ADAM12: variants seen among roughly 807,000 people sequenced by gnomAD.
The protein encoded by ADAM12 is disintegrin and metalloproteinase domain-containing protein 12.
A neutral mutation model predicts 106.4 loss-of-function variants in ADAM12; 70 were observed. The ratio of observed to expected loss-of-function variants is 0.66; its 90% confidence interval spans 0.54 to 0.80. The LOEUF (loss-of-function observed/expected upper bound fraction) is 0.80. Among genes scored for constraint, ADAM12 ranks in the 30% least tolerant of loss-of-function variants. ADAM12 has a pLI of 0.00. For missense variants in ADAM12, 1,010 were observed against 1,171.9 expected (o/e 0.86, Z 2.02); for synonymous variants, 420 against 433.5 (o/e 0.97, Z 0.39).
chr10:126,204,796 A>AT (rs1358196937), intron 3 of ADAM12, among the ~76,000 whole-genome samples: 4 of 152,036 alleles, frequency 2.6e-5, no homozygotes, highest in Non-Finnish European at 5.9e-5. Flanking sequence ...TGGGTAGCAC[A>AT]TTTTTTCTGT....
intron 18 of ADAM12, among the ~76,000 whole-genome samples, chr10:126,042,546 G>A (rs2133414832): frequency 6.6e-6 from 1 of 152,274 alleles, no homozygotes; most frequent in South Asian, 2.1e-4. Context: ...GGCATAAAAT[G>A]CACCACACAG....
intron 5 of ADAM12, among the ~76,000 whole-genome samples, chr10:126,121,396 TAA>T (rs1956107881): frequency 1.6e-5 from 2 of 128,336 alleles, no homozygotes; most frequent in Admixed American, 1.8e-4. Flanking sequence ...ATGCAATATA[TAA>T]TATATTGCAT....
At chr10:126,266,361 TGAA>T (rs1415601116) in intron 3 of ADAM12, among the ~76,000 whole-genome samples, 2 of 151,836 alleles carry the variant, frequency 1.3e-5, no homozygotes, top group Non-Finnish European at 2.9e-5. Context: ...ACCATCAAAA[TGAA>T]GGAGGAAGAG....
At position 126,037,823 on chromosome 10, in the gene ADAM12, A is replaced by G. The variant is rs112995609; in HGVS notation, c.2349+418T>C. Among the ~76,000 whole-genome samples the G allele has an allele frequency of 4.3e-3, 655 of 152,298 alleles. 3 individuals carry two copies. The highest frequency in any genetic ancestry group is 0.014 in the African/African-American group (590 of 41,558). Reference sequence around the variant, plus strand: ...CATGTAACTTTTGAAAAATATTTTAAGAGTAACAGTGGGCTAAAGCAGCTC... The same window carrying G: ...CATGTAACTTTTGAAAAATATTTTAGGAGTAACAGTGGGCTAAAGCAGCTC... On this transcript the variant is annotated intron_variant, in intron 20 of 22. Transcript: ENST00000448723.
chr10:126,089,539 G>A (rs910247823), intron 11 of ADAM12, among the ~76,000 whole-genome samples: 4 of 152,114 alleles, frequency 2.6e-5, no homozygotes, highest in African/African-American at 9.7e-5. Context: ...GAGGCTGCAT[G>A]GTCTTCTTAA....
intron 3 of ADAM12, among the ~76,000 whole-genome samples, chr10:126,229,163 C>T (rs376184428): frequency 2.6e-4 from 40 of 152,074 alleles, no homozygotes; most frequent in Admixed American, 1.2e-3. Context: ...TCCCAGGAGG[C>T]GGGCAGGGGC....
intron 3 of ADAM12, among the ~76,000 whole-genome samples, chr10:126,252,757 C>A (rs1382877478): frequency 2.0e-5 from 3 of 152,138 alleles, no homozygotes; most frequent in South Asian, 2.1e-4. Context: ...ATACATAATG[C>A]TTTACCCGCT....
At chr10:126,304,566 C>A (rs1300886840) in intron 2 of ADAM12, among the ~76,000 whole-genome samples, 1 of 151,820 alleles carries the variant, frequency 6.6e-6, no homozygotes, top group Non-Finnish European at 1.5e-5. Context: ...ACTGAAAGAG[C>A]AAAGAGCAGT....
At chr10:126,256,808 A>G (rs1958900433) in intron 3 of ADAM12, among the ~76,000 whole-genome samples, 1 of 152,174 alleles carries the variant, frequency 6.6e-6, no homozygotes, top group Non-Finnish European at 1.5e-5. Flanking sequence ...TTATCCAGAA[A>G]TCTCTTTTAT....
chr10:126,232,337 T>TA (rs1408518996), intron 3 of ADAM12, among the ~76,000 whole-genome samples: 1 of 152,034 alleles, frequency 6.6e-6, no homozygotes, highest in African/African-American at 2.4e-5. Context: ...TTCTAAAAGC[T>TA]AAAAAAGTCA....
At chr10:126,206,517 G>A (rs1957797428) in intron 3 of ADAM12, among the ~76,000 whole-genome samples, 1 of 152,152 alleles carries the variant, frequency 6.6e-6, no homozygotes, top group South Asian at 2.1e-4. Context: ...CCAGTCTGCT[G>A]CCTCTAGAAT....
At chr10:126,201,522 A>G (rs529071742) in intron 3 of ADAM12, among the ~76,000 whole-genome samples, 35 of 152,154 alleles carry the variant, frequency 2.3e-4, no homozygotes, top group African/African-American at 7.7e-4. Flanking sequence ...TGGCCCTGCC[A>G]GAAGTCACAA....
intron 21 of ADAM12, among the ~76,000 whole-genome samples, chr10:126,024,960 GAGCAGACCC>G (rs963317754): frequency 3.3e-5 from 5 of 152,118 alleles, no homozygotes; most frequent in African/African-American, 1.2e-4. Context: ...CTGGGGTCTG[GAGCAGACCC>G]CCAGCAAATT....
At chr10:126,072,262 G>T (rs1410674323) in intron 11 of ADAM12, among the ~76,000 whole-genome samples, 1 of 152,044 alleles carries the variant, frequency 6.6e-6, no homozygotes, top group Non-Finnish European at 1.5e-5. Context: ...GTGTGGCAGG[G>T]TCTAAACAAC....
At chr10:126,235,515 C>G (rs1166576352) in intron 3 of ADAM12, among the ~76,000 whole-genome samples, 2 of 152,260 alleles carry the variant, frequency 1.3e-5, no homozygotes, top group South Asian at 2.1e-4. Flanking sequence ...TGGCCTTCCT[C>G]GAGGGACTTG....
chr10:126,057,709 C>T (rs1954662272), intron 14 of ADAM12, among the ~76,000 whole-genome samples: 1 of 152,184 alleles, frequency 6.6e-6, no homozygotes, highest in Admixed American at 6.5e-5. Flanking sequence ...TCCAGAACCA[C>T]ACACTGGCCA....
rs72830717 is a variant in ADAM12, at chr10:126,367,227, G to T, written c.88+20831C>A. ...AAAAGTAATAAAGAAGACATAATCT[G>T]ATTATAATAAAATAAAATTAGAAAT... On this transcript the variant is annotated intron_variant, in intron 1 of 22. Transcript: ENST00000448723. Among the ~76,000 whole-genome samples the T allele has an allele frequency of 2.8e-3, 429 of 151,750 alleles. 3 individuals carry two copies. The highest frequency in any genetic ancestry group is 4.9e-3 in the Non-Finnish European group (331 of 67,796).
rs73380598 is a variant in ADAM12, at chr10:126,199,057, G to A, written c.261-43752C>T. 9.8e-3 allele frequency among the ~76,000 whole-genome samples: 1,493 copies of A among 152,156 alleles called. 38 individuals are homozygous for A. The highest frequency in any genetic ancestry group is 0.034 in the African/African-American group (1,398 of 41,532). The stretch of plus-strand genomic sequence containing the variant: ...TGTGTCTTTTTATGGTGAGCTTTGT[G>A]CTTTTGGGGCCCTAGGAATAAGGAA... On this transcript the variant is annotated intron_variant, in intron 3 of 22. Coordinates refer to ENST00000448723, the MANE Select transcript of ADAM12 (RefSeq NM_001288973.2).
intron 3 of ADAM12, among the ~76,000 whole-genome samples, chr10:126,241,735 G>C (rs911304312): frequency 1.3e-5 from 2 of 152,204 alleles, no homozygotes; most frequent in African/African-American, 4.8e-5. Flanking sequence ...GGACAAGAAT[G>C]TTTGCAAGGA....
Sources: allele counts gnomAD v4.1 joint callset (sites outside exome capture counted in the v4.1 genomes callset), GRCh38; gene constraint gnomAD v4.1.1; transcripts MANE v1.5; gene names NCBI Gene and HGNC (gene_info 2026-07-23, HGNC 2026-07-21).